The following NMNAT2 variants were observed in gnomAD, a reference collection of about 807,000 sequenced individuals.
NMNAT2 encodes nicotinamide/nicotinic acid mononucleotide adenylyltransferase 2.
NMNAT2 carries 11 observed loss-of-function variants against 41.6 expected under a neutral mutation model. That is an observed-to-expected ratio of 0.26 (90% CI 0.17 to 0.44). NMNAT2 has a LOEUF of 0.44. Among genes scored for constraint, NMNAT2 ranks in the 20% least tolerant of loss-of-function variants. The probability of loss-of-function intolerance (pLI) is 1.00; values close to 1 mark genes in which losing one functional copy is unlikely to be tolerated. For synonymous variants in NMNAT2, 148 were observed against 151.2 expected, an observed-to-expected ratio of 0.98 and a Z score of 0.16; for missense variants, 288 against 407.7, an observed-to-expected ratio of 0.71 and a Z score of 2.53.
chr1:183,358,663 C>T (rs933824321), intron 1 of NMNAT2, among the ~76,000 whole-genome samples: 1 of 152,188 alleles, frequency 6.6e-6, no homozygotes, highest in Non-Finnish European at 1.5e-5. Flanking sequence ...AACGGGGAGA[C>T]TTGCCTCATC....
intron 1 of NMNAT2, among the ~76,000 whole-genome samples, chr1:183,352,585 A>G (rs922594450): frequency 4.0e-5 from 6 of 149,418 alleles, no homozygotes; most frequent in Non-Finnish European, 5.9e-5. Flanking sequence ...AAAAAAAAAA[A>G]AGAGATTTGT....
chr1:183,270,986 G>A (rs1230670825), intron 8 of NMNAT2, among the ~76,000 whole-genome samples: 2 of 152,156 alleles, frequency 1.3e-5, no homozygotes, highest in Non-Finnish European at 2.9e-5. Flanking sequence ...ATGGATGTAG[G>A]AAGCAGTTAG....
At chr1:183,351,355 G>T (rs1663043319) in intron 1 of NMNAT2, among the ~76,000 whole-genome samples, 1 of 152,174 alleles carries the variant, frequency 6.6e-6, no homozygotes, top group Admixed American at 6.5e-5. Flanking sequence ...CCATCAAAGT[G>T]GCAGACACCC....
intron 4 of NMNAT2, among the ~76,000 whole-genome samples, chr1:183,289,431 C>T (rs769048299): frequency 4.6e-5 from 7 of 152,204 alleles, no homozygotes; most frequent in African/African-American, 1.7e-4. Context: ...TGGCAACCAG[C>T]CCTGAAGTCT....
intron 1 of NMNAT2, among the ~76,000 whole-genome samples, chr1:183,320,799 T>A (rs1026748000): frequency 1.3e-5 from 2 of 152,172 alleles, no homozygotes; most frequent in African/African-American, 4.8e-5. Context: ...GCCAAGCAGG[T>A]CACAGTTCTT....
At chr1:183,278,768 C>T in intron 7 of NMNAT2, 139 bp from the exon 8 acceptor site, 1 of 662,580 alleles carries the variant, frequency 1.5e-6, no homozygotes, top group Non-Finnish European at 2.8e-6. Context: ...GGTGCCTCTG[C>T]CCCTGAGTGT....
intron 1 of NMNAT2, among the ~76,000 whole-genome samples, chr1:183,341,523 C>CAAAAAAAAAAAAAAAAAAA: frequency 1.2e-5 from 1 of 81,370 alleles, no homozygotes; most frequent in Non-Finnish European, 2.3e-5. Flanking sequence ...ACAAAAAATG[C>CAAAAAAAAAAAAAAAAAAA]AAAAAAAAAA....
intron 1 of NMNAT2, among the ~76,000 whole-genome samples, chr1:183,336,580 A>G (rs574471846): frequency 6.6e-6 from 1 of 152,330 alleles, no homozygotes; most frequent in South Asian, 2.1e-4. Flanking sequence ...TGTTGGTGAT[A>G]GGGAGGAACT....
At chr1:183,303,652 G>A (rs186330859) in intron 1 of NMNAT2, among the ~76,000 whole-genome samples, 38 of 152,340 alleles carry the variant, frequency 2.5e-4, no homozygotes, top group Middle Eastern at 3.4e-3. Flanking sequence ...ATTCTTCAGG[G>A]AGCGTGAAAC....
chr1:183,329,892 G>T (rs1662545017), intron 1 of NMNAT2, among the ~76,000 whole-genome samples: 1 of 152,170 alleles, frequency 6.6e-6, no homozygotes, highest in Non-Finnish European at 1.5e-5. Context: ...ATTGCATAGG[G>T]TCACCCAGCC....
Position 183,255,953 on chromosome 1 carries a change from C to T in NMNAT2, c.822-3210G>A, listed in dbSNP as rs533384624. Among the ~76,000 whole-genome samples the T allele has an allele frequency of 3.8e-3, 583 of 152,066 alleles. 4 individuals are homozygous for T. The highest frequency in any genetic ancestry group is 6.9e-3 in the Non-Finnish European group (466 of 67,986). ...TGCTGGGATTATAGGTGTGAGCCAC[C>T]GTGCCTGGCTGTCTAACTGCTATTG... On this transcript the variant is annotated intron_variant, in intron 10 of 10. Coordinates refer to ENST00000287713, the MANE Select transcript of NMNAT2 (RefSeq NM_015039.4).
At chr1:183,299,216 AC>A (rs1661783065) in intron 1 of NMNAT2, among the ~76,000 whole-genome samples, 1 of 152,126 alleles carries the variant, frequency 6.6e-6, no homozygotes, top group South Asian at 2.1e-4. Flanking sequence ...TACTAAAAAT[AC>A]AAAAATTAGC....
At chr1:183,253,904 C>CAT (rs895247621) in intron 10 of NMNAT2, among the ~76,000 whole-genome samples, 27 of 144,268 alleles carry the variant, frequency 1.9e-4, no homozygotes, top group Non-Finnish European at 3.7e-4. Context: ...GTTCCACTTC[C>CAT]GTGTGTGTGT....
At chr1:183,304,650 C>T (rs750840997) in intron 1 of NMNAT2, 2 of 1,612,454 alleles carry the variant, frequency 1.2e-6, no homozygotes, top group Admixed American at 1.7e-5. Flanking sequence ...TGCCATGTGC[C>T]TCAGGCTGTC....
intron 1 of NMNAT2, among the ~76,000 whole-genome samples, chr1:183,305,214 T>C (rs2102319995): frequency 6.6e-6 from 1 of 151,434 alleles, no homozygotes; most frequent in Non-Finnish European, 1.5e-5. Flanking sequence ...GAAACCAAGG[T>C]TTCCCCTTCA....
chr1:183,283,471 C>T (rs1661318853), intron 7 of NMNAT2: 1 of 160,686 alleles, frequency 6.2e-6, no homozygotes, highest in Non-Finnish European at 1.4e-5. Flanking sequence ...TAACCGCCCT[C>T]CACCGGCTCG....
At chr1:183,384,764 G>T (rs1648145312) in intron 1 of NMNAT2, among the ~76,000 whole-genome samples, 1 of 152,206 alleles carries the variant, frequency 6.6e-6, no homozygotes, top group South Asian at 2.1e-4. Context: ...TCCCAGCACA[G>T]AGTAACACAA....
At chr1:183,343,706 C>A (rs558592635) in intron 1 of NMNAT2, among the ~76,000 whole-genome samples, 12 of 152,228 alleles carry the variant, frequency 7.9e-5, no homozygotes, top group Admixed American at 2.0e-4. Flanking sequence ...GTCTACTGGC[C>A]CCCTCCAATC....
chr1:183,412,317 G>C (rs537436840), intron 1 of NMNAT2, among the ~76,000 whole-genome samples: 1 of 152,164 alleles, frequency 6.6e-6, no homozygotes, highest in Non-Finnish European at 1.5e-5. Context: ...TCCGCCTCCC[G>C]GGTTCAAGTG....
Sources: gnomAD v4.1 joint callset for allele counts (sites outside exome capture counted in the v4.1 genomes callset) on GRCh38, gnomAD v4.1.1 for gene constraint, MANE v1.5 for transcripts, NCBI Gene and HGNC (gene_info 2026-07-23, HGNC 2026-07-21) for gene names.